LNP1: variants seen among roughly 807,000 people sequenced by gnomAD.
LNP1 encodes leukemia NUP98 fusion partner 1.
A neutral mutation model predicts 14.5 loss-of-function variants in LNP1; 12 were observed. The observed-to-expected ratio is 0.83, with a 90% CI of 0.53 to 1.34. The LOEUF (loss-of-function observed/expected upper bound fraction) is 1.34, where lower values mean the gene tolerates loss of function less well. Ranked by LOEUF, LNP1 falls within the 40% of genes most tolerant of loss-of-function variation. LNP1 has a pLI of 0.00. For synonymous variants in LNP1, 75 were observed against 71.4 expected (o/e 1.05, Z -0.26); for missense variants, 198 against 210.9 (o/e 0.94, Z 0.38).
chr3:100,437,412 T>C (rs1182840193), intron 2 of LNP1, among the ~76,000 whole-genome samples: 1 of 152,198 alleles, frequency 6.6e-6, no homozygotes, highest in Non-Finnish European at 1.5e-5. Context: ...GTGACAGTTT[T>C]GCATTGATTT....
chr3:100,443,964 GACTCTGAAA>G (rs1707366271), intron 2 of LNP1, among the ~76,000 whole-genome samples: 1 of 152,108 alleles, frequency 6.6e-6, no homozygotes, highest in Non-Finnish European at 1.5e-5. Flanking sequence ...AACTTTTCTT[GACTCTGAAA>G]AACAAAACAA....
At chr3:100,434,741 C>A (rs1324428698) in intron 2 of LNP1, among the ~76,000 whole-genome samples, 1 of 151,454 alleles carries the variant, frequency 6.6e-6, no homozygotes, top group East Asian at 1.9e-4. Context: ...GTTAGCCTGG[C>A]TGGTCTTGAA....
intron 3 of LNP1, among the ~76,000 whole-genome samples, chr3:100,454,667 C>T (rs1707492081): frequency 6.6e-6 from 1 of 152,130 alleles, no homozygotes; most frequent in Admixed American, 6.5e-5. Context: ...AAATGTATTT[C>T]AGGGCATTAT....
intron 2 of LNP1, among the ~76,000 whole-genome samples, chr3:100,440,452 C>A (rs571832556): frequency 6.6e-6 from 1 of 152,286 alleles, no homozygotes; most frequent in East Asian, 1.9e-4. Context: ...AAGAAGGCTG[C>A]ACACATTTTT....
At chr3:100,435,237 C>T (rs1239754750) in intron 2 of LNP1, among the ~76,000 whole-genome samples, 2 of 152,190 alleles carry the variant, frequency 1.3e-5, no homozygotes, top group Non-Finnish European at 2.9e-5. Context: ...CTCTCTTCTT[C>T]TAGGTGCTAA....
At chr3:100,407,222 A>T (rs1391160390) in intron 1 of LNP1, among the ~76,000 whole-genome samples, 1 of 152,208 alleles carries the variant, frequency 6.6e-6, no homozygotes, top group Non-Finnish European at 1.5e-5. Flanking sequence ...GTTTATCATT[A>T]GTGTCCTTTC....
intron 2 of LNP1, among the ~76,000 whole-genome samples, chr3:100,448,902 A>T (rs1216287316): frequency 1.3e-5 from 2 of 152,180 alleles, no homozygotes; most frequent in East Asian, 3.8e-4. Context: ...ATTCTTAATA[A>T]CCTGTTTCAC....
chr3:100,412,009 T>C (rs976950578), intron 1 of LNP1, among the ~76,000 whole-genome samples: 1 of 152,214 alleles, frequency 6.6e-6, no homozygotes, highest in African/African-American at 2.4e-5. Context: ...AAGATTGTAT[T>C]AGCCATTTTT....
chr3:100,410,253 G>A (rs1040329624), intron 1 of LNP1, among the ~76,000 whole-genome samples: 1 of 152,120 alleles, frequency 6.6e-6, no homozygotes, highest in African/African-American at 2.4e-5. Flanking sequence ...AAAGTAAAGA[G>A]GAGAGCTAGA....
intron 1 of LNP1, among the ~76,000 whole-genome samples, chr3:100,416,821 C>T (rs1049349014): frequency 1.3e-5 from 2 of 150,672 alleles, no homozygotes; most frequent in Non-Finnish European, 2.9e-5. Flanking sequence ...ACCTATCAAC[C>T]CATCATCTAG....
chr3:100,410,348 G>A lies in LNP1; in HGVS notation c.-34+7909G>A, dbSNP rs144103369. On this transcript the variant is annotated intron_variant, in intron 1 of 3. Coordinates refer to ENST00000383693, the MANE Select transcript of LNP1 (RefSeq NM_001085451.2). ...TGTGGATGTTAAGGGCCATTTTGGTGAGATCTCAGATACAAATAAAGAACA... is the reference window on the plus strand; with the variant it reads ...TGTGGATGTTAAGGGCCATTTTGGTAAGATCTCAGATACAAATAAAGAACA... Among the ~76,000 whole-genome samples the A allele has an allele frequency of 1.6e-4, 24 of 147,046 alleles. No homozygotes were observed. The East Asian group carries it at 5.2e-3, about 32-fold the overall frequency.
chr3:100,435,101 T>A (rs1460676447), intron 2 of LNP1, among the ~76,000 whole-genome samples: 2 of 152,142 alleles, frequency 1.3e-5, no homozygotes, highest in Non-Finnish European at 1.5e-5. Context: ...GTATTTCAGA[T>A]GATATTTGAA....
intron 3 of LNP1, among the ~76,000 whole-genome samples, chr3:100,455,022 C>T (rs1292991934): frequency 6.6e-6 from 1 of 152,138 alleles, no homozygotes; most frequent in African/African-American, 2.4e-5. Context: ...TTTGATAATT[C>T]CTTTGAAAGG....
intron 1 of LNP1, among the ~76,000 whole-genome samples, chr3:100,425,046 T>C (rs1342669186): frequency 6.6e-6 from 1 of 152,206 alleles, no homozygotes; most frequent in Non-Finnish European, 1.5e-5. Context: ...ACAGCACATC[T>C]CTGGGTAGTA....
chr3:100,439,868 T>C (rs57751524), intron 2 of LNP1, among the ~76,000 whole-genome samples: 7,895 of 152,224 alleles, frequency 0.052, 599 homozygotes, highest in African/African-American at 0.17. Flanking sequence ...GCTTTACATA[T>C]CTTTAACCAT....
intron 2 of LNP1, among the ~76,000 whole-genome samples, chr3:100,437,291 C>T (rs534627609): frequency 3.3e-5 from 5 of 152,240 alleles, no homozygotes; most frequent in South Asian, 2.1e-4. Context: ...TTGAATTTTG[C>T]TTTAGGAAAA....
rs1192194478 is a variant in LNP1, at chr3:100,418,817, G to A, written c.-33-10880G>A. Among the ~76,000 whole-genome samples, 6 of 152,152 alleles carry A rather than the reference G, an allele frequency of 3.9e-5. No individual in the cohort carries two copies. The East Asian group carries it at 5.8e-4, about 15-fold the overall frequency. On this transcript the variant is annotated intron_variant, in intron 1 of 3. Transcript: ENST00000383693. ...TCAGATTTGAGAGTTTATGGTGGCT[G>A]GACAGTTCAGCCCTTTCAATCCTTC...
intron 1 of LNP1, among the ~76,000 whole-genome samples, chr3:100,413,076 C>T (rs76763361): frequency 0.044 from 6,772 of 152,228 alleles, 331 homozygotes; most frequent in Admixed American, 0.16. Context: ...CTGCAGCTGC[C>T]GCCACCAGAA....
chr3:100,446,444 T>C (rs1707387122), intron 2 of LNP1, among the ~76,000 whole-genome samples: 1 of 152,160 alleles, frequency 6.6e-6, no homozygotes, highest in African/African-American at 2.4e-5. Context: ...TATACAAAAA[T>C]TAATTCAAGA....
Sources: gnomAD v4.1 joint callset for allele counts (sites outside exome capture counted in the v4.1 genomes callset) on GRCh38, gnomAD v4.1.1 for gene constraint, MANE v1.5 for transcripts, NCBI Gene and HGNC (gene_info 2026-07-23, HGNC 2026-07-21) for gene names.